Variants in TBC1D22A observed in about 807,000 individuals in gnomAD.
TBC1D22A encodes the protein putative GTPase activator.
In TBC1D22A, 38 loss-of-function variants were observed where a neutral mutation model predicts 60.2. The observed-to-expected ratio is 0.63, with a 90% CI of 0.49 to 0.83. The LOEUF (loss-of-function observed/expected upper bound fraction) is 0.83, where lower values mean the gene tolerates loss of function less well. Among genes scored for constraint, TBC1D22A ranks in the 40% least tolerant of loss-of-function variants. The pLI is 0.00. For synonymous variants in TBC1D22A, 302 were observed against 281.7 expected, an observed-to-expected ratio of 1.07 and a Z score of -0.72; for missense variants, 628 against 701.0, an observed-to-expected ratio of 0.90 and a Z score of 1.18.
At chr22:47,136,727 G>A (rs1369142560) in intron 12 of TBC1D22A, among the ~76,000 whole-genome samples, 1 of 152,206 alleles carries the variant, frequency 6.6e-6, no homozygotes, top group Non-Finnish European at 1.5e-5. Context: ...TGCCCCGTGG[G>A]ACCAGGACTG....
chr22:46,892,802 C>T (rs1457924160), intron 6 of TBC1D22A, among the ~76,000 whole-genome samples: 1 of 152,200 alleles, frequency 6.6e-6, no homozygotes, highest in East Asian at 1.9e-4. Context: ...GAACAGGTTG[C>T]ATACATCTTT....
At chr22:46,831,222 T>C (rs139600) in intron 4 of TBC1D22A, among the ~76,000 whole-genome samples, 73,696 of 151,948 alleles carry the variant, frequency 0.49, 18,492 homozygotes, top group African/African-American at 0.63. Flanking sequence ...GGAGGGAGGA[T>C]GCTGACGTGG....
intron 4 of TBC1D22A, among the ~76,000 whole-genome samples, chr22:46,872,931 C>A (rs1422749998): frequency 6.6e-6 from 1 of 152,266 alleles, no homozygotes; most frequent in East Asian, 1.9e-4. Context: ...ACAGCACCTG[C>A]AGGAACCTGG....
At chr22:47,098,406 T>C (rs2065267861) in intron 11 of TBC1D22A, among the ~76,000 whole-genome samples, 1 of 152,214 alleles carries the variant, frequency 6.6e-6, no homozygotes, top group Non-Finnish European at 1.5e-5. Context: ...ATGGCTGTTC[T>C]GACACCCTGA....
intron 11 of TBC1D22A, among the ~76,000 whole-genome samples, chr22:47,065,743 T>C (rs767485947): frequency 3.0e-4 from 25 of 83,264 alleles, no homozygotes; most frequent in Middle Eastern, 5.7e-3. Context: ...AGCTGGTTTT[T>C]AGTGTTGTGT....
Position 46,923,628 on chromosome 22 carries a change from CAG to C in TBC1D22A, c.1015+11441_1015+11442del, listed in dbSNP as rs376229854. Reference sequence around the variant, plus strand: ...GGCACTTGCCCGCTCAGCGCTCACTCAGGGGTTACTGTCCTGTGTATGGCCAC... The same window carrying C: ...GGCACTTGCCCGCTCAGCGCTCACTCGGGTTACTGTCCTGTGTATGGCCAC... On this transcript the variant is annotated intron_variant, in intron 8 of 12. Transcript: ENST00000337137. Among the ~76,000 whole-genome samples the C allele has an allele frequency of 5.0e-3, 758 of 152,386 alleles. 6 individuals carry two copies. The highest frequency in any genetic ancestry group is 0.017 in the African/African-American group (722 of 41,594).
chr22:46,858,707 G>A (rs1461440315), intron 4 of TBC1D22A, among the ~76,000 whole-genome samples: 3 of 152,198 alleles, frequency 2.0e-5, no homozygotes, highest in African/African-American at 7.2e-5. Flanking sequence ...GCGCTTCTTG[G>A]GAGAGGCGGC....
At chr22:46,933,579 A>G (rs1312161232) in intron 8 of TBC1D22A, among the ~76,000 whole-genome samples, 1 of 151,778 alleles carries the variant, frequency 6.6e-6, no homozygotes, top group Non-Finnish European at 1.5e-5. Flanking sequence ...CCTCTTCCAC[A>G]CAGGGATGCT....
At chr22:46,901,862 C>T (rs2069019129) in intron 7 of TBC1D22A, among the ~76,000 whole-genome samples, 1 of 152,240 alleles carries the variant, frequency 6.6e-6, no homozygotes, top group South Asian at 2.1e-4. Context: ...CAGAAATTAT[C>T]TCCATGGCGC....
chr22:47,037,641 TAAATAA>T (rs2062699895), intron 11 of TBC1D22A, among the ~76,000 whole-genome samples: 1 of 151,922 alleles, frequency 6.6e-6, no homozygotes, highest in South Asian at 2.1e-4. Flanking sequence ...AAAAAATAAA[TAAATAA>T]AAATAAAAGA....
chr22:46,792,917 C>T lies in TBC1D22A; in HGVS notation c.119+341C>T, dbSNP rs1411300260. On this transcript the variant is annotated intron_variant, in intron 2 of 12. Transcript: ENST00000337137. Reference sequence around the variant, plus strand: ...CCCCTCCTCCTTCCCGCATTCTCCACCAGCTGCTGGAGCCCGGCCCTGGCC... The same window carrying T: ...CCCCTCCTCCTTCCCGCATTCTCCATCAGCTGCTGGAGCCCGGCCCTGGCC... The T allele has an allele frequency of 3.7e-6, 5 of 1,365,916 alleles. No individual in the cohort carries two copies. In the African/African-American group the frequency reaches 5.9e-5, roughly 16 times the overall value. The allele number at this position is 1,365,916 out of a possible 1,614,324, so 84.6% of individuals were successfully genotyped here.
At chr22:47,033,632 G>A (rs131954) in intron 10 of TBC1D22A, among the ~76,000 whole-genome samples, 2 of 152,014 alleles carry the variant, frequency 1.3e-5, no homozygotes, top group Non-Finnish European at 2.9e-5. Flanking sequence ...TGTATAGAAC[G>A]AAGAAGAGGG....
chr22:46,984,735 A>G (rs2074656198), intron 9 of TBC1D22A, among the ~76,000 whole-genome samples: 1 of 152,226 alleles, frequency 6.6e-6, no homozygotes, highest in Non-Finnish European at 1.5e-5. Flanking sequence ...AAGTGACTAA[A>G]TTATCTCAGA....
chr22:46,934,879 G>A (rs2071557209), intron 8 of TBC1D22A, among the ~76,000 whole-genome samples: 1 of 152,360 alleles, frequency 6.6e-6, no homozygotes. Flanking sequence ...GGCCATCAGC[G>A]TGTGGTGGCC....
intron 12 of TBC1D22A, 117 bp from the exon 13 acceptor site, chr22:47,173,381 G>C (rs977495560): frequency 3.7e-6 from 5 of 1,348,348 alleles, no homozygotes; most frequent in Non-Finnish European, 4.1e-6. Context: ...CACCCGCCCT[G>C]CACCGTGGGT....
chr22:47,133,589 CA>C (rs2066755708), intron 12 of TBC1D22A, among the ~76,000 whole-genome samples: 1 of 152,202 alleles, frequency 6.6e-6, no homozygotes, highest in Admixed American at 6.5e-5. Flanking sequence ...GGCTTTTCGA[CA>C]TTCGTTTTTA....
chr22:46,875,938 C>G lies in TBC1D22A; in HGVS notation c.638-2715C>G, dbSNP rs1602266216. On this transcript the variant is annotated intron_variant, in intron 4 of 12. Transcript: ENST00000337137. ...GAGCACATACATTACTTCTAGGAGA[C>G]AAGGCTGGTGCTCATGACCCCCCCT... Among the ~76,000 whole-genome samples, 3 of 152,038 alleles carry G rather than the reference C, an allele frequency of 2.0e-5. No homozygotes were observed. The South Asian group carries it at 6.2e-4, about 32-fold the overall frequency.
chr22:46,840,503 G>A (rs1334770415), intron 4 of TBC1D22A, among the ~76,000 whole-genome samples: 1 of 152,196 alleles, frequency 6.6e-6, no homozygotes, highest in Non-Finnish European at 1.5e-5. Flanking sequence ...GGGAGCCTGA[G>A]GCAGGTGGAT....
chr22:46,960,784 A>AT (rs1242249350), intron 8 of TBC1D22A, among the ~76,000 whole-genome samples: 1 of 151,900 alleles, frequency 6.6e-6, no homozygotes, highest in East Asian at 1.9e-4. Flanking sequence ...GTCTCGACTA[A>AT]AAAATACAAA....
Sources: allele counts gnomAD v4.1 joint callset (sites outside exome capture counted in the v4.1 genomes callset), GRCh38; gene constraint gnomAD v4.1.1; transcripts MANE v1.5; gene names NCBI Gene and HGNC (gene_info 2026-07-23, HGNC 2026-07-21).